The following IFT80 variants were observed in gnomAD, a reference collection of about 807,000 sequenced individuals.
IFT80 encodes intraflagellar transport 80.
A neutral mutation model predicts 107.9 loss-of-function variants in IFT80; 79 were observed. The observed-to-expected ratio is 0.73, with a 90% CI of 0.61 to 0.88. The LOEUF (loss-of-function observed/expected upper bound fraction) is 0.88, where lower values mean the gene tolerates loss of function less well. IFT80 is among the 40% of genes least tolerant of loss of function. The probability of loss-of-function intolerance (pLI) is 0.00; values close to 1 mark genes in which losing one functional copy is unlikely to be tolerated. For synonymous variants in IFT80, 299 were observed against 300.9 expected (o/e 0.99, Z 0.07); for missense variants, 797 against 914.2 (o/e 0.87, Z 1.65).
At chr3:160,370,298 T>C (rs573071374) in intron 5 of IFT80, among the ~76,000 whole-genome samples, 1 of 152,128 alleles carries the variant, frequency 6.6e-6, no homozygotes, top group Non-Finnish European at 1.5e-5. Flanking sequence ...TATATAGCAC[T>C]ATCTGTTAAC....
At chr3:160,382,097 G>A (rs890742709) in intron 2 of IFT80, among the ~76,000 whole-genome samples, 12 of 152,106 alleles carry the variant, frequency 7.9e-5, no homozygotes, top group African/African-American at 2.7e-4. Flanking sequence ...GATAGGTAGG[G>A]AGCAAAGGGA....
In IFT80 at chr3:160,280,805, A is replaced by G. The variant is rs746175699; in HGVS notation, c.1526T>C (p.Val509Ala). Residue 509 changes from valine to alanine, a missense_variant, in exon 15 of 20, where the codon GTG becomes GCG. Transcript: ENST00000326448. Reference sequence around the variant, plus strand: ...TGTATCGTTCCATGCCAAAGTATGCACCATTGTTCCTTAATTTAAAAAGAA... The same window carrying G: ...TGTATCGTTCCATGCCAAAGTATGCGCCATTGTTCCTTAATTTAAAAAGAA... ...EEQIIKLGTM[V>A]HTLAWNDTCN... is the part of the protein sequence containing the mutation. 1 of 1,612,804 alleles carries G rather than the reference A, an allele frequency of 6.2e-7. No homozygotes were observed. Among genetic ancestry groups the G allele is most frequent in the Non-Finnish European group, 8.5e-7 (1 of 1,179,214 alleles).
intron 12 of IFT80, among the ~76,000 whole-genome samples, chr3:160,292,352 A>T (rs1042193682): frequency 6.6e-6 from 1 of 152,240 alleles, no homozygotes; most frequent in Non-Finnish European, 1.5e-5. Flanking sequence ...TCAGAATGGC[A>T]AGTTAAAACA....
At chr3:160,370,525 C>T (rs1397325114) in intron 5 of IFT80, among the ~76,000 whole-genome samples, 1 of 152,076 alleles carries the variant, frequency 6.6e-6, no homozygotes, top group Non-Finnish European at 1.5e-5. Flanking sequence ...TTACATATAT[C>T]ACTGGATCAA....
At chr3:160,368,787 A>C (rs1477055145) in intron 5 of IFT80, among the ~76,000 whole-genome samples, 2 of 108,564 alleles carry the variant, frequency 1.8e-5, no homozygotes, top group Non-Finnish European at 4.2e-5. Context: ...TTGTACAAAA[A>C]AGTAAATTAA....
intron 15 of IFT80, 113 bp from the exon 16 acceptor site, chr3:160,279,477 A>C: frequency 1.2e-6 from 1 of 814,142 alleles, no homozygotes; most frequent in Non-Finnish European, 2.1e-6. Flanking sequence ...TCCAATCTCC[A>C]AAAGGCACAC....
intron 8 of IFT80, among the ~76,000 whole-genome samples, chr3:160,351,495 T>C (rs534779905): frequency 1.0e-4 from 15 of 148,032 alleles, no homozygotes; most frequent in African/African-American, 3.2e-4. Flanking sequence ...GCTTTTGATA[T>C]ATAGTATCAA....
At chr3:160,350,917 GAGAA>G (rs1720649998) in intron 8 of IFT80, among the ~76,000 whole-genome samples, 1 of 151,996 alleles carries the variant, frequency 6.6e-6, no homozygotes, top group African/African-American at 2.4e-5. Context: ...TTCTTAAAAA[GAGAA>G]AGAAGGCTGA....
intron 18 of IFT80, among the ~76,000 whole-genome samples, chr3:160,272,470 C>A (rs1165207585): frequency 6.6e-6 from 1 of 152,100 alleles, no homozygotes; most frequent in Admixed American, 6.6e-5. Context: ...ATGATGGGTA[C>A]ATTCAGACTA....
At position 160,356,167 on chromosome 3, in the gene IFT80, T is replaced by A; in HGVS notation, c.640-17A>T. 2 of 1,608,834 alleles carry A rather than the reference T, an allele frequency of 1.2e-6. No homozygotes were observed. Among genetic ancestry groups the A allele is most frequent in the Non-Finnish European group, 1.7e-6 (2 of 1,176,902 alleles). On this transcript the variant is annotated splice_polypyrimidine_tract_variant and intron_variant, in intron 7 of 19. Coordinates refer to ENST00000326448, the MANE Select transcript of IFT80 (RefSeq NM_020800.3). The stretch of plus-strand genomic sequence containing the variant: ...ATCCCATACCTACAAAAGCAATTTT[T>A]AAAAATCTTTTATAATATCAGGGAG...
intron 6 of IFT80, 131 bp from the exon 7 acceptor site, chr3:160,357,709 T>C (rs1225031008): frequency 7.9e-6 from 5 of 633,168 alleles, no homozygotes; most frequent in Non-Finnish European, 1.4e-5. Context: ...CTTCCTTTTA[T>C]AGCCAATGTA....
chr3:160,277,240 G>A, intron 18 of IFT80, 66 bp downstream of exon 18: 1 of 1,320,020 alleles, frequency 7.6e-7, no homozygotes, highest in Non-Finnish European at 1.1e-6. Flanking sequence ...AATTTACTAA[G>A]TGGTAGATGG....
intron 1 of IFT80, among the ~76,000 whole-genome samples, chr3:160,394,512 C>T (rs1038620641): frequency 1.3e-5 from 2 of 152,154 alleles, no homozygotes; most frequent in African/African-American, 2.4e-5. Flanking sequence ...TATGTGTACG[C>T]TGTGGTATTT....
intron 12 of IFT80, among the ~76,000 whole-genome samples, chr3:160,299,492 C>T (rs1015145119): frequency 6.6e-6 from 1 of 152,092 alleles, no homozygotes; most frequent in African/African-American, 2.4e-5. Context: ...CAGAGAGAAA[C>T]AGTTATTTAA....
At chr3:160,308,456 CTTGAAG>C (rs1034767730) in intron 9 of IFT80, among the ~76,000 whole-genome samples, 1 of 151,978 alleles carries the variant, frequency 6.6e-6, no homozygotes, top group Non-Finnish European at 1.5e-5. Flanking sequence ...GGAAAAAAAT[CTTGAAG>C]TTGATGAACA....
chr3:160,355,867 T>C, intron 8 of IFT80, 146 bp downstream of exon 8: 14 of 972,970 alleles, frequency 1.4e-5, no homozygotes, highest in Non-Finnish European at 2.1e-5. Context: ...CTGGAATTGA[T>C]TGAACCAGCA....
At chr3:160,333,048 C>T (rs1423597093) in intron 8 of IFT80, among the ~76,000 whole-genome samples, 3 of 152,096 alleles carry the variant, frequency 2.0e-5, no homozygotes, top group African/African-American at 7.2e-5. Flanking sequence ...CCTATTGCTC[C>T]TAGGCTACAA....
intron 8 of IFT80, among the ~76,000 whole-genome samples, chr3:160,328,365 G>C (rs576775897): frequency 2.6e-5 from 4 of 151,554 alleles, no homozygotes; most frequent in African/African-American, 4.8e-5. Context: ...GGGAGGCTGA[G>C]GCAGGAGAAT....
chr3:160,394,787 A>G (rs960044847), intron 1 of IFT80, among the ~76,000 whole-genome samples: 1 of 152,256 alleles, frequency 6.6e-6, no homozygotes, highest in African/African-American at 2.4e-5. Flanking sequence ...AAATGAGATG[A>G]ATTTGTACAT....
Sources: gnomAD v4.1 joint callset for allele counts (sites outside exome capture counted in the v4.1 genomes callset) on GRCh38, gnomAD v4.1.1 for gene constraint, MANE v1.5 for transcripts, NCBI Gene and HGNC (gene_info 2026-07-23, HGNC 2026-07-21) for gene names.